The following SCHIP1 variants were observed in gnomAD, a reference collection of about 807,000 sequenced individuals.
SCHIP1 encodes the protein schwannomin interacting protein 1, also known as schwannomin-interacting protein 1.
Under a neutral mutation model 29.7 loss-of-function variants are expected in SCHIP1, and 8 were observed. The observed-to-expected ratio is 0.27, with a 90% CI of 0.16 to 0.49. The LOEUF (loss-of-function observed/expected upper bound fraction) is 0.49. Ranked by LOEUF, SCHIP1 falls within the 20% of genes least tolerant of loss-of-function variation. SCHIP1 has a pLI of 0.99. For missense variants in SCHIP1, 193 were observed against 294.6 expected (o/e 0.66, Z 2.52); for synonymous variants, 76 against 94.9 (o/e 0.80, Z 1.16).
At chr3:159,703,166 A>T in the SCHIP1 span, among the ~76,000 whole-genome samples, 2 of 152,328 alleles carry the variant, frequency 1.3e-5, no homozygotes, top group East Asian at 3.9e-4. Flanking sequence ...AGACTGAAGC[A>T]GGTAAGAAGG....
At chr3:159,778,150 C>A in the SCHIP1 span, among the ~76,000 whole-genome samples, 1 of 152,082 alleles carries the variant, frequency 6.6e-6, no homozygotes, top group Admixed American at 6.5e-5. Context: ...CCTGCCAGCA[C>A]GCCCAGCTAA....
the SCHIP1 span, among the ~76,000 whole-genome samples, chr3:159,577,418 A>C: frequency 6.6e-6 from 1 of 152,240 alleles, no homozygotes; most frequent in Admixed American, 6.5e-5. Context: ...CACTTTGCTG[A>C]TGAGTGATCC....
At chr3:159,290,128 A>G in the SCHIP1 span, among the ~76,000 whole-genome samples, 1 of 152,196 alleles carries the variant, frequency 6.6e-6, no homozygotes, top group Non-Finnish European at 1.5e-5. Context: ...CTTTCCATCG[A>G]AGACAACTAA....
At chr3:159,378,506 C>T in the SCHIP1 span, among the ~76,000 whole-genome samples, 3 of 152,294 alleles carry the variant, frequency 2.0e-5, no homozygotes, top group East Asian at 5.8e-4. Context: ...TCTGACCAAT[C>T]GCACAGACAA....
At chr3:159,401,088 A>T in the SCHIP1 span, 8 of 594,982 alleles carry the variant, frequency 1.3e-5, no homozygotes, top group Non-Finnish European at 1.7e-5. Flanking sequence ...ATAATAGCAC[A>T]TCCTACAGGA....
the SCHIP1 span, among the ~76,000 whole-genome samples, chr3:159,639,565 G>T: frequency 6.6e-6 from 1 of 151,980 alleles, no homozygotes; most frequent in South Asian, 2.1e-4. Context: ...AGCATCCTTG[G>T]GGCTATTTAA....
At position 159,861,313 on chromosome 3, in the gene SCHIP1, C is replaced by A. The variant is rs1427571504; in HGVS notation, c.31-4850C>A. Reference sequence around the variant, plus strand: ...TGCCGAAAAAAAGGGTGGAAAGGTCCTGGGGACATATTAGATTTGAAGATA... The same window carrying A: ...TGCCGAAAAAAAGGGTGGAAAGGTCATGGGGACATATTAGATTTGAAGATA... On this transcript the variant is annotated intron_variant, in intron 1 of 6. Transcript: ENST00000445224. This position sits in a 1 kb window ranked among gnomAD's most constrained non-coding sequence, Gnocchi z 4.1. 2.0e-5 allele frequency among the ~76,000 whole-genome samples: 3 copies of A among 152,124 alleles called. No individual in the cohort carries two copies. The highest frequency in any genetic ancestry group is 4.4e-5 in the Non-Finnish European group (3 of 68,026).
chr3:159,395,772 G>A, the SCHIP1 span, among the ~76,000 whole-genome samples: 2 of 151,432 alleles, frequency 1.3e-5, no homozygotes, highest in African/African-American at 2.4e-5. Flanking sequence ...GGTGTGGTGT[G>A]GTGCTGAAAA....
the SCHIP1 span, among the ~76,000 whole-genome samples, chr3:159,581,310 G>C: frequency 6.6e-6 from 1 of 152,282 alleles, no homozygotes; most frequent in African/African-American, 2.4e-5. Flanking sequence ...TTCAGACTTG[G>C]AGCTGAAGAA....
chr3:159,421,649 C>A, the SCHIP1 span, among the ~76,000 whole-genome samples: 1 of 152,168 alleles, frequency 6.6e-6, no homozygotes, highest in Admixed American at 6.5e-5. Context: ...CAAAAGCTGG[C>A]AGAAATAGAC....
At chr3:159,319,382 T>C in the SCHIP1 span, among the ~76,000 whole-genome samples, 1 of 152,176 alleles carries the variant, frequency 6.6e-6, no homozygotes, top group Non-Finnish European at 1.5e-5. Context: ...AAAAGCTCCA[T>C]TGTTTGTTTT....
upstream of SCHIP1, among the ~76,000 whole-genome samples, chr3:159,836,597 A>G (rs1253088207): frequency 1.3e-5 from 2 of 152,174 alleles, no homozygotes; most frequent in Non-Finnish European, 2.9e-5. Context: ...TGGGCATGCC[A>G]CAACTTTCTT....
chr3:159,508,013 T>A, the SCHIP1 span, among the ~76,000 whole-genome samples: 1 of 152,234 alleles, frequency 6.6e-6, no homozygotes, highest in Non-Finnish European at 1.5e-5. Flanking sequence ...CCTCTTTTTC[T>A]ATTGATTGGA....
the SCHIP1 span, among the ~76,000 whole-genome samples, chr3:159,376,564 A>T: frequency 2.0e-5 from 3 of 152,184 alleles, no homozygotes; most frequent in African/African-American, 7.2e-5. Flanking sequence ...CTTAACCTCA[A>T]ATCCCAGGTC....
chr3:159,465,959 G>A, the SCHIP1 span, among the ~76,000 whole-genome samples: 6 of 152,094 alleles, frequency 3.9e-5, no homozygotes, highest in African/African-American at 1.4e-4. Flanking sequence ...CTGAGTGAAT[G>A]AGCTAATTAT....
the SCHIP1 span, among the ~76,000 whole-genome samples, chr3:159,569,364 G>A: frequency 6.6e-6 from 1 of 152,148 alleles, no homozygotes; most frequent in Non-Finnish European, 1.5e-5. Flanking sequence ...TCCCCGCCCT[G>A]TGTTCAAGTG....
the SCHIP1 span, among the ~76,000 whole-genome samples, chr3:159,463,741 G>GATAT: frequency 0.36 from 53,910 of 149,256 alleles, 10,543 homozygotes; most frequent in East Asian, 0.61. Context: ...AACAGAATGA[G>GATAT]ATATATATAT....
At chr3:159,567,674 T>G in the SCHIP1 span, among the ~76,000 whole-genome samples, 1 of 152,200 alleles carries the variant, frequency 6.6e-6, no homozygotes, top group Non-Finnish European at 1.5e-5. Context: ...TTGCTATAGC[T>G]TTATAATTAG....
At chr3:159,647,072 TAA>T in the SCHIP1 span, among the ~76,000 whole-genome samples, 1 of 151,356 alleles carries the variant, frequency 6.6e-6, no homozygotes, top group South Asian at 2.1e-4. Flanking sequence ...ATGGAATACA[TAA>T]AGAGTGTTAA....
Sources: gnomAD v4.1 joint callset for allele counts (sites outside exome capture counted in the v4.1 genomes callset) on GRCh38, gnomAD v4.1.1 for gene constraint, Gnocchi (gnomAD v3.1) non-coding constraint, MANE v1.5 for transcripts, NCBI Gene and HGNC (gene_info 2026-07-23, HGNC 2026-07-21) for gene names.